FTO: variants seen among roughly 807,000 people sequenced by gnomAD.
FTO encodes FTO alpha-ketoglutarate dependent dioxygenase, also known as alpha-ketoglutarate-dependent dioxygenase FTO.
Under a neutral mutation model 63.9 loss-of-function variants are expected in FTO, and 47 were observed. The observed-to-expected ratio is 0.74, with a 90% CI of 0.58 to 0.94. FTO has a LOEUF of 0.94. FTO is among the 40% of genes least tolerant of loss of function. FTO has a pLI of 0.00. For synonymous variants in FTO, 207 were observed against 224.4 expected (o/e 0.92, Z 0.69); for missense variants, 562 against 618.1 (o/e 0.91, Z 0.96).
intron 2 of FTO, among the ~76,000 whole-genome samples, chr16:53,819,419 G>A (rs58528771): frequency 3.9e-5 from 6 of 152,128 alleles, no homozygotes; most frequent in African/African-American, 1.2e-4. Context: ...CAATACACCC[G>A]CCTGAGTCTC....
intron 8 of FTO, among the ~76,000 whole-genome samples, chr16:54,029,925 A>G (rs1365403290): frequency 6.6e-6 from 1 of 152,190 alleles, no homozygotes; most frequent in Non-Finnish European, 1.5e-5. Context: ...CTGTTTGTCA[A>G]CTGCTGCCAA....
At chr16:54,053,307 G>A (rs778728288) in intron 8 of FTO, among the ~76,000 whole-genome samples, 3 of 152,080 alleles carry the variant, frequency 2.0e-5, no homozygotes, top group African/African-American at 4.8e-5. Context: ...CTGATCCTTC[G>A]TATCTCCATG....
At chr16:53,979,560 T>G (rs1299974095) in intron 8 of FTO, 1 of 392,498 alleles carries the variant, frequency 2.5e-6, no homozygotes, top group East Asian at 3.6e-5. Context: ...TGTGTGTGTG[T>G]GTGTGTGCGC....
intron 4 of FTO, among the ~76,000 whole-genome samples, chr16:53,864,090 C>T (rs2080244986): frequency 6.6e-6 from 1 of 152,078 alleles, no homozygotes; most frequent in East Asian, 1.9e-4. Context: ...CTATCAAATT[C>T]TGAAAATGTT....
At chr16:53,854,219 C>T (rs1406085882) in intron 4 of FTO, among the ~76,000 whole-genome samples, 1 of 151,744 alleles carries the variant, frequency 6.6e-6, no homozygotes, top group Non-Finnish European at 1.5e-5. Context: ...GGTTCTTTGT[C>T]AGATGCATAG....
chr16:53,821,699 T>C (rs1160322959), intron 2 of FTO, among the ~76,000 whole-genome samples: 5 of 152,196 alleles, frequency 3.3e-5, no homozygotes, highest in Admixed American at 2.6e-4. Flanking sequence ...AAGTCATTTT[T>C]TCACATTCAG....
intron 1 of FTO, among the ~76,000 whole-genome samples, chr16:53,738,533 T>C (rs934182390): frequency 1.3e-5 from 2 of 152,234 alleles, no homozygotes; most frequent in South Asian, 4.1e-4. Flanking sequence ...TTGGCTATTA[T>C]GAAAAACGCT....
Position 53,728,154 on chromosome 16 carries a change from C to T in FTO, c.45+23925C>T, listed in dbSNP as rs182995194. Among the ~76,000 whole-genome samples the T allele has an allele frequency of 6.3e-3, 950 of 151,888 alleles. 10 individuals carry two copies. The highest frequency in any genetic ancestry group is 0.022 in the African/African-American group (916 of 41,412). On this transcript the variant is annotated intron_variant, in intron 1 of 8. Transcript: ENST00000471389. ...CTTGGGAGGCTGAGGCAGGGGGATCCCTTGAGCCCAGGAGTTTGAGGTTAC... is the reference window on the plus strand; with the variant it reads ...CTTGGGAGGCTGAGGCAGGGGGATCTCTTGAGCCCAGGAGTTTGAGGTTAC...
chr16:54,112,940 G>A lies in FTO; in HGVS notation c.*1025G>A, dbSNP rs1458033045. On this transcript the variant is annotated 3_prime_UTR_variant, in exon 9 of 9. Coordinates refer to ENST00000471389, the MANE Select transcript of FTO (RefSeq NM_001080432.3). ...GACTCAAAGAGACAAGAGAGAGTAGGGTTTAAAACCTGAGCTTTAAGACTC... is the reference window on the plus strand; with the variant it reads ...GACTCAAAGAGACAAGAGAGAGTAGAGTTTAAAACCTGAGCTTTAAGACTC... 1.3e-5 allele frequency: 2 copies of A among 152,112 alleles called. No individual in the cohort carries two copies. The highest frequency in any genetic ancestry group is 2.4e-5 in the African/African-American group (1 of 41,412). The allele number at this position is 152,112 out of a possible 1,614,324, so 9.4% of individuals were successfully genotyped here. A position where few individuals can be genotyped will look rare whatever the true frequency, so the allele number is the denominator to read the frequency against.
chr16:53,880,096 G>T (rs1454262996), intron 6 of FTO, 109 bp downstream of exon 6: 1 of 792,802 alleles, frequency 1.3e-6, no homozygotes, highest in East Asian at 2.7e-5. Context: ...CCAGGTTCAA[G>T]TGATCCTCCT....
intron 2 of FTO, among the ~76,000 whole-genome samples, chr16:53,821,757 A>G (rs1370035086): frequency 2.0e-5 from 3 of 152,180 alleles, no homozygotes; most frequent in Admixed American, 1.3e-4. Context: ...CACTTTCTGC[A>G]TGTCTTCTAT....
intron 8 of FTO, chr16:54,013,568 G>T: frequency 6.6e-6 from 1 of 152,380 alleles, no homozygotes; most frequent in South Asian, 2.0e-4. Context: ...GTCATGAAAG[G>T]AAGAGTCAAC....
chr16:54,025,750 C>T (rs563930467), intron 8 of FTO, among the ~76,000 whole-genome samples: 4 of 152,094 alleles, frequency 2.6e-5, no homozygotes, highest in African/African-American at 7.2e-5. Flanking sequence ...CGGTGGCTCG[C>T]GCCTGTAATC....
chr16:53,747,479 GTCT>G (rs147760488), intron 1 of FTO, among the ~76,000 whole-genome samples: 127 of 152,042 alleles, frequency 8.4e-4, no homozygotes, highest in African/African-American at 2.9e-3. Flanking sequence ...GTGGCCATTT[GTCT>G]TCTTTTGAGA....
intron 8 of FTO, among the ~76,000 whole-genome samples, chr16:53,962,158 GT>G (rs1410971054): frequency 6.6e-6 from 1 of 152,176 alleles, no homozygotes; most frequent in South Asian, 2.1e-4. Flanking sequence ...CTCTGTTTCT[GT>G]GGTAGATTGC....
chr16:53,909,244 G>T (rs189378008), intron 7 of FTO, among the ~76,000 whole-genome samples: 2 of 152,304 alleles, frequency 1.3e-5, no homozygotes, highest in Admixed American at 1.3e-4. Context: ...TTTTTTTAAA[G>T]GTTTAAGGTG....
intron 4 of FTO, among the ~76,000 whole-genome samples, chr16:53,853,307 GA>G (rs1465159559): frequency 6.6e-6 from 1 of 150,902 alleles, no homozygotes; most frequent in East Asian, 1.9e-4. Flanking sequence ...TTTGTCTCAA[GA>G]AAAAAAAATG....
At chr16:53,919,533 A>G (rs1011228964) in intron 7 of FTO, among the ~76,000 whole-genome samples, 1 of 152,222 alleles carries the variant, frequency 6.6e-6, no homozygotes, top group Non-Finnish European at 1.5e-5. Flanking sequence ...ATGCATGTTT[A>G]TAGCAGCACA....
intron 1 of FTO, among the ~76,000 whole-genome samples, chr16:53,767,657 A>G (rs2077243391): frequency 6.6e-6 from 1 of 151,928 alleles, no homozygotes; most frequent in African/African-American, 2.4e-5. Context: ...CTTCAATTTT[A>G]ATGTTATATC....
Sources: gnomAD v4.1 joint callset for allele counts (sites outside exome capture counted in the v4.1 genomes callset) on GRCh38, gnomAD v4.1.1 for gene constraint, MANE v1.5 for transcripts, NCBI Gene and HGNC (gene_info 2026-07-23, HGNC 2026-07-21) for gene names.